PLCL1: variants seen among roughly 807,000 people sequenced by gnomAD.
PLCL1 encodes inactive phospholipase C-like protein 1.
In PLCL1, 41 loss-of-function variants were observed where a neutral mutation model predicts 84.4. The ratio of observed to expected loss-of-function variants is 0.49; its 90% CI spans 0.38 to 0.63. The LOEUF (loss-of-function observed/expected upper bound fraction) is 0.63. PLCL1 is among the 30% of genes least tolerant of loss of function. The pLI is 0.00. For synonymous variants in PLCL1, 490 were observed against 488.3 expected (o/e 1.00, Z -0.05); for missense variants, 1,206 against 1,367.8 (o/e 0.88, Z 1.87).
chr2:198,066,252 A>G (rs1163100584), intron 1 of PLCL1, among the ~76,000 whole-genome samples: 3 of 152,092 alleles, frequency 2.0e-5, no homozygotes, highest in Non-Finnish European at 4.4e-5. Flanking sequence ...CTAAATCCCA[A>G]ATTTTTACCT....
At position 197,911,836 on chromosome 2, in the gene PLCL1, G is replaced by A. The variant is rs1259651672; in HGVS notation, c.240+106497G>A. Reference sequence around the variant, plus strand: ...CCTTTTGTCCCGAGTTCCAGTTTATGCTGCCCTTGAGTCCCTGTCAGAACA... The same window carrying A: ...CCTTTTGTCCCGAGTTCCAGTTTATACTGCCCTTGAGTCCCTGTCAGAACA... On this transcript the variant is annotated intron_variant, in intron 1 of 5. Coordinates refer to ENST00000428675, the MANE Select transcript of PLCL1 (RefSeq NM_006226.4). Among the ~76,000 whole-genome samples the A allele has an allele frequency of 3.9e-5, 6 of 152,280 alleles. No individual in the cohort carries two copies. The South Asian group carries it at 1.0e-3, about 26-fold the overall frequency.
At chr2:198,129,372 T>G (rs1365542065) in intron 5 of PLCL1, among the ~76,000 whole-genome samples, 2 of 152,120 alleles carry the variant, frequency 1.3e-5, no homozygotes, top group African/African-American at 4.8e-5. Context: ...GCCCAGACAC[T>G]CCTTTCTATT....
chr2:197,875,307 G>A (rs2105708968), intron 1 of PLCL1, among the ~76,000 whole-genome samples: 1 of 152,118 alleles, frequency 6.6e-6, no homozygotes. Flanking sequence ...CTGTATTAAT[G>A]TATTTATGTA....
intron 1 of PLCL1, among the ~76,000 whole-genome samples, chr2:197,821,400 C>T (rs1690812656): frequency 6.6e-6 from 1 of 152,178 alleles, no homozygotes; most frequent in African/African-American, 2.4e-5. Context: ...ACAAAGAGAT[C>T]CCTGCACATA....
chr2:197,819,034 G>T (rs1033440272), intron 1 of PLCL1, among the ~76,000 whole-genome samples: 3 of 152,134 alleles, frequency 2.0e-5, no homozygotes, highest in African/African-American at 7.2e-5. Flanking sequence ...TAGGGAATAA[G>T]CAACTTCATA....
rs949274787 is a variant in PLCL1, at chr2:197,805,114, G to A, written c.15G>A (p.Ala5=). MAEG[A]AGREDPAPPD... is the part of the protein sequence containing the mutation. ...CGCTCCAGGCCATGGCCGAGGGCGC[G>A]GCCGGCAGGGAGGATCCGGCGCCGC... Residue 5 remains alanine, a synonymous_variant, in exon 1 of 6, where the codon GCG becomes GCA. Coordinates refer to ENST00000428675, the MANE Select transcript of PLCL1 (RefSeq NM_006226.4). This position sits in a 1 kb window ranked among gnomAD's most constrained non-coding sequence, Gnocchi z 4.0. 7.5e-5 allele frequency: 100 copies of A among 1,330,930 alleles called. 1 individual carries two copies. The highest frequency in any genetic ancestry group is 2.8e-4 in the Middle Eastern group (1 of 3,608). 82.4% of individuals were successfully genotyped at this position (1,330,930 alleles called of 1,614,324 possible). A position where few individuals can be genotyped will look rare whatever the true frequency, so the allele number is the denominator to read the frequency against.
chr2:197,941,255 A>G (rs1689153033), intron 1 of PLCL1, among the ~76,000 whole-genome samples: 1 of 152,020 alleles, frequency 6.6e-6, no homozygotes, highest in Admixed American at 6.6e-5. Context: ...AAGTGCCCCC[A>G]TGCACTGAGG....
chr2:198,045,574 T>C (rs1691766759), intron 1 of PLCL1, among the ~76,000 whole-genome samples: 1 of 152,160 alleles, frequency 6.6e-6, no homozygotes, highest in Admixed American at 6.5e-5. Flanking sequence ...AAAGAAATAA[T>C]TGTTTTGCAT....
At chr2:197,944,561 G>A (rs1689232111) in intron 1 of PLCL1, among the ~76,000 whole-genome samples, 1 of 152,160 alleles carries the variant, frequency 6.6e-6, no homozygotes, top group Admixed American at 6.5e-5. Flanking sequence ...TTTGTAGCAT[G>A]TGCAGTTTGT....
At chr2:197,813,711 G>T (rs952411342) in intron 1 of PLCL1, among the ~76,000 whole-genome samples, 8 of 152,168 alleles carry the variant, frequency 5.3e-5, no homozygotes, top group African/African-American at 1.4e-4. Context: ...ATAACCATAT[G>T]ATATGCATAT....
chr2:198,146,437 G>A (rs1048551765), intron 5 of PLCL1, among the ~76,000 whole-genome samples: 3 of 152,228 alleles, frequency 2.0e-5, no homozygotes, highest in South Asian at 2.1e-4. Context: ...GGATCTGGGC[G>A]GGGTAGGTAT....
chr2:198,103,972 C>G (rs754552851), intron 5 of PLCL1, 36 bp downstream of exon 5: 2 of 1,027,598 alleles, frequency 1.9e-6, no homozygotes, highest in Admixed American at 2.2e-5. Context: ...TGTGCCTTTA[C>G]TTTTCTTCTC....
At chr2:197,818,633 A>G (rs1347245545) in intron 1 of PLCL1, among the ~76,000 whole-genome samples, 1 of 152,126 alleles carries the variant, frequency 6.6e-6, no homozygotes, top group Admixed American at 6.5e-5. Context: ...CCTTCTCAGT[A>G]GCTGGGACTA....
rs1379361213 is a variant in PLCL1, at chr2:198,075,368, A to G, written c.241-8390A>G. ...TCGTTCCTCAGAGGCTGCTGAATAA[A>G]TCGTCAGATGACCTTTATTGTTGTC... On this transcript the variant is annotated intron_variant, in intron 1 of 5. Coordinates refer to ENST00000428675, the MANE Select transcript of PLCL1 (RefSeq NM_006226.4). Among the ~76,000 whole-genome samples the G allele has an allele frequency of 2.0e-5, 3 of 152,248 alleles. No homozygotes were observed. The East Asian group carries it at 5.8e-4, about 29-fold the overall frequency.
chr2:197,837,128 G>A (rs1030013991), intron 1 of PLCL1, among the ~76,000 whole-genome samples: 1 of 152,172 alleles, frequency 6.6e-6, no homozygotes, highest in Non-Finnish European at 1.5e-5. Flanking sequence ...GTGCATTAAA[G>A]TTTAAGGTTG....
At chr2:197,832,768 AC>A (rs2105657721) in intron 1 of PLCL1, among the ~76,000 whole-genome samples, 1 of 152,364 alleles carries the variant, frequency 6.6e-6, no homozygotes, top group South Asian at 2.1e-4. Context: ...ATACTGGCAA[AC>A]CAAATCCAGC....
intron 1 of PLCL1, among the ~76,000 whole-genome samples, chr2:197,978,456 C>G (rs1466794964): frequency 6.6e-6 from 1 of 151,998 alleles, no homozygotes; most frequent in Non-Finnish European, 1.5e-5. Flanking sequence ...CCAGCCTGGT[C>G]GACAGAGGGA....
At chr2:198,092,836 T>G (rs1276056130) in intron 3 of PLCL1, among the ~76,000 whole-genome samples, 1 of 152,224 alleles carries the variant, frequency 6.6e-6, no homozygotes, top group Non-Finnish European at 1.5e-5. Context: ...AGATCCTATC[T>G]GTATATTTAT....
chr2:198,089,232 A>G (rs531557329), intron 3 of PLCL1, among the ~76,000 whole-genome samples, 171 bp downstream of exon 3: 15 of 152,310 alleles, frequency 9.8e-5, no homozygotes, highest in African/African-American at 3.6e-4. Flanking sequence ...GTCTCAGTGG[A>G]AAACTCTGAG....
Sources: allele counts gnomAD v4.1 joint callset (sites outside exome capture counted in the v4.1 genomes callset), GRCh38; gene constraint gnomAD v4.1.1; non-coding constraint Gnocchi (gnomAD v3.1); transcripts MANE v1.5; gene names NCBI Gene and HGNC (gene_info 2026-07-23, HGNC 2026-07-21).